Variants in PCDHGB5 observed in about 807,000 individuals in gnomAD.
PCDHGB5 encodes the protein protocadherin gamma-B5.
In PCDHGB5, 48 loss-of-function variants were observed where a neutral mutation model predicts 62.9. The observed-to-expected ratio is 0.76, with a 90% CI of 0.61 to 0.97. The LOEUF is 0.97. Among genes scored for constraint, PCDHGB5 ranks in the 50% least tolerant of loss-of-function variants. PCDHGB5 has a pLI of 0.00. For missense variants in PCDHGB5, 1,118 were observed against 1,198.6 expected (o/e 0.93, Z 0.99); for synonymous variants, 474 against 511.2 (o/e 0.93, Z 0.98).
chr5:141,486,169 A>T lies in PCDHGB5; in HGVS notation c.2398-8638A>T. On this transcript the variant is annotated intron_variant, in intron 1 of 3. Transcript: ENST00000617380. The surrounding 1 kb of genome is among the most constrained non-coding windows in gnomAD (Gnocchi z 5.0). ...ATGGGGGTTCTCCAGCCATGGAGCA[A>T]CATTGCAGCCTTCGAGTGGATCTGC... 1 of 1,614,206 alleles carries T rather than the reference A, an allele frequency of 6.2e-7. No homozygotes were observed. Among genetic ancestry groups the T allele is most frequent in the Non-Finnish European group, 8.5e-7 (1 of 1,180,032 alleles).
Position 141,398,738 on chromosome 5 carries a change from A to G in PCDHGB5, c.611A>G (p.Gln204Arg). Residue 204 changes from glutamine to arginine, a missense_variant, in exon 1 of 4, where the codon CAA becomes CGA. Physicochemically the swap from Gln to Arg is conservative, Grantham distance 43 (BLOSUM62 1). This residue lies in a region of PCDHGB5 where 1,034 missense variants were observed against 1,029.1 expected (regional missense o/e 1.00). Transcript: ENST00000617380. ...CTGGAGAAAACCTTAGACCGGGAAC[A>G]ACAGAGTTACCATCGTTTAGTCCTG... ...LALEKTLDREQQSYHRLVLTA... is the reference protein window; with the variant it reads ...LALEKTLDRERQSYHRLVLTA... The G allele has an allele frequency of 6.2e-7, 1 of 1,613,880 alleles. No homozygotes were observed. The highest frequency in any genetic ancestry group is 1.7e-5 in the Admixed American group (1 of 60,026).
At chr5:141,420,412 T>A in intron 1 of PCDHGB5, 1 of 1,225,004 alleles carries the variant, frequency 8.2e-7, no homozygotes, top group Non-Finnish European at 1.1e-6. Flanking sequence ...TGGTTATCAT[T>A]ATTAAAACAA....
At chr5:141,427,492 T>C (rs894605769) in intron 1 of PCDHGB5, 1 of 555,624 alleles carries the variant, frequency 1.8e-6, no homozygotes, top group Non-Finnish European at 3.4e-6. Context: ...TATAAGCTTG[T>C]AACAGATGGG....
rs759899934 is a variant in PCDHGB5, at chr5:141,421,255, C to G, written c.2397+20731C>G. The stretch of plus-strand genomic sequence containing the variant: ...GGCGAATCGGCTACAGCGCGGGGAC[C>G]GCAGTCGGCTGCTGCTGCTGCTGTG... On this transcript the variant is annotated intron_variant, in intron 1 of 3. Coordinates refer to ENST00000617380, the MANE Select transcript of PCDHGB5 (RefSeq NM_018925.3). The G allele has an allele frequency of 6.0e-5, 97 of 1,607,644 alleles. No individual in the cohort carries two copies. Among genetic ancestry groups the G allele is most frequent in the Middle Eastern group, 3.3e-4 (2 of 6,058 alleles).
chr5:141,433,643 C>A (rs899772934), intron 1 of PCDHGB5, among the ~76,000 whole-genome samples: 13 of 152,070 alleles, frequency 8.5e-5, no homozygotes, highest in African/African-American at 2.7e-4. Context: ...TGAGACCAGC[C>A]TGACCAACAT....
chr5:141,485,786 C>A lies in PCDHGB5; in HGVS notation c.2398-9021C>A. On this transcript the variant is annotated intron_variant, in intron 1 of 3. Transcript: ENST00000617380. This position sits in a 1 kb window ranked among gnomAD's most constrained non-coding sequence, Gnocchi z 5.7. ...GGAGAAGCCTTTGGATCGAGAGAAG[C>A]AATCGGACTACCGCCTGGTGCTGAC... 1 of 1,614,208 alleles carries A rather than the reference C, an allele frequency of 6.2e-7. No individual in the cohort carries two copies. The highest frequency in any genetic ancestry group is 1.3e-5 in the African/African-American group (1 of 75,062).
At position 141,400,524 on chromosome 5, in the gene PCDHGB5, G is replaced by T; in HGVS notation, c.2397G>T (p.Leu799Phe). The part of the protein sequence containing the change: ...NSSESTSHPE[L>F]QAPPNTDWRF... ...GCGAGTCGACTTCCCATCCTGAGTT[G>T]GTGAGTTTCATTTATGTCTATTCTT... The change falls in exon 1 of 4, where the codon TTG (leucine) becomes TTT (phenylalanine). Residue 799 changes from leucine (L) to phenylalanine (F), a missense_variant and splice_region_variant. By Grantham distance (22) the Leu-to-Phe change is conservative. Coordinates refer to ENST00000617380, the MANE Select transcript of PCDHGB5 (RefSeq NM_018925.3). The T allele has an allele frequency of 6.2e-7, 1 of 1,613,920 alleles. No individual in the cohort carries two copies. Among genetic ancestry groups the T allele is most frequent in the Non-Finnish European group, 8.5e-7 (1 of 1,179,812 alleles).
chr5:141,476,098 G>A lies in PCDHGB5; in HGVS notation c.2398-18709G>A, dbSNP rs1241353656. The A allele has an allele frequency of 4.5e-6, 7 of 1,573,026 alleles. No homozygotes were observed. Among genetic ancestry groups the A allele is most frequent in the Non-Finnish European group, 6.0e-6 (7 of 1,163,102 alleles). ...AGGGACGATCTGGACCCCGCTGAGA[G>A]GAACTGCTTTTGAGTGAGATGGTCC... On this transcript the variant is annotated intron_variant, in intron 1 of 3. Transcript: ENST00000617380. This position sits in a 1 kb window ranked among gnomAD's most constrained non-coding sequence, Gnocchi z 7.6.
intron 1 of PCDHGB5, among the ~76,000 whole-genome samples, chr5:141,401,278 G>T (rs1355696847): frequency 6.6e-6 from 1 of 152,160 alleles, no homozygotes; most frequent in Non-Finnish European, 1.5e-5. Context: ...GCAGGTGGAG[G>T]TTGCGGTGAG....
intron 1 of PCDHGB5, chr5:141,407,951 A>C: frequency 1.7e-6 from 1 of 578,566 alleles, no homozygotes; most frequent in Non-Finnish European, 2.8e-6. Context: ...GCTGTCGGCC[A>C]GTGCAGAGCA....
chr5:141,430,234 A>G (rs2097268213), intron 1 of PCDHGB5, among the ~76,000 whole-genome samples: 1 of 130,034 alleles, frequency 7.7e-6, no homozygotes, highest in South Asian at 2.4e-4. Flanking sequence ...TGTCAAAAAG[A>G]GAAACTCCTA....
At chr5:141,421,089 T>A (rs1047424267) in intron 1 of PCDHGB5, 25 of 661,836 alleles carry the variant, frequency 3.8e-5, no homozygotes, top group Middle Eastern at 4.1e-4. Context: ...TCACAGATCC[T>A]GACACTGGAG....
intron 1 of PCDHGB5, among the ~76,000 whole-genome samples, chr5:141,439,024 T>C (rs1278127532): frequency 2.0e-5 from 3 of 151,510 alleles, no homozygotes; most frequent in African/African-American, 7.3e-5. Flanking sequence ...ATTTTGAAAA[T>C]AGATGCCTCA....
rs1561863583 is a variant in PCDHGB5, at chr5:141,432,685, C to A, written c.2397+32161C>A. Reference sequence around the variant, plus strand: ...ACAGAGACGCGCTCAAGCAGAGCCTCGTAGTGGCCGTCCAGGACCACGGCC... The same window carrying A: ...ACAGAGACGCGCTCAAGCAGAGCCTAGTAGTGGCCGTCCAGGACCACGGCC... On this transcript the variant is annotated intron_variant, in intron 1 of 3. Transcript: ENST00000617380. The surrounding 1 kb of genome is among the most constrained non-coding windows in gnomAD (Gnocchi z 6.0). 3.7e-6 allele frequency: 6 copies of A among 1,613,932 alleles called. No individual in the cohort carries two copies. Among genetic ancestry groups the A allele is most frequent in the Non-Finnish European group, 5.1e-6 (6 of 1,179,966 alleles).
Position 141,485,465 on chromosome 5 carries a change from C to A in PCDHGB5, c.2398-9342C>A, listed in dbSNP as rs2099614061. 6.2e-7 allele frequency: 1 copy of A among 1,614,044 alleles called. No homozygotes were observed. Among genetic ancestry groups the A allele is most frequent in the African/African-American group, 1.3e-5 (1 of 74,918 alleles). ...AATCGACCGAGAGGCACTGTGTGGG[C>A]TCAGTGCCAGCTGCATCGTGCCCCT... On this transcript the variant is annotated intron_variant, in intron 1 of 3. Transcript: ENST00000617380. This position sits in a 1 kb window ranked among gnomAD's most constrained non-coding sequence, Gnocchi z 5.7.
At chr5:141,409,438 A>C (rs1459982502) in intron 1 of PCDHGB5, 1 of 1,613,866 alleles carries the variant, frequency 6.2e-7, no homozygotes, top group Non-Finnish European at 8.5e-7. Context: ...CCCTGGACCG[A>C]GAGCAGACAC....
chr5:141,421,597 AT>A (rs2096587022), intron 1 of PCDHGB5: 1 of 1,613,878 alleles, frequency 6.2e-7, no homozygotes, highest in Non-Finnish European at 8.5e-7. Flanking sequence ...GGAGGTGGAA[AT>A]AATAGATATT....
chr5:141,411,544 AC>A (rs2095497010), intron 1 of PCDHGB5: 1 of 152,298 alleles, frequency 6.6e-6, no homozygotes. Context: ...TGATCTTGCC[AC>A]TGCACTCCAG....
intron 1 of PCDHGB5, among the ~76,000 whole-genome samples, chr5:141,456,876 T>C (rs188356008): frequency 1.5e-3 from 222 of 152,196 alleles, no homozygotes; most frequent in African/African-American, 5.2e-3. Flanking sequence ...GGCAGGAGAA[T>C]CGCTTGAACC....
Sources: gnomAD v4.1 joint callset for allele counts (sites outside exome capture counted in the v4.1 genomes callset) on GRCh38, gnomAD v4.1.1 for gene constraint, gnomAD v4.1.1 regional missense constraint, Gnocchi (gnomAD v3.1) non-coding constraint, MANE v1.5 for transcripts, NCBI Gene and HGNC (gene_info 2026-07-23, HGNC 2026-07-21) for gene names.